DAB1: variants seen among roughly 807,000 people sequenced by gnomAD.
DAB1 encodes the protein disabled homolog 1.
A neutral mutation model predicts 64.6 loss-of-function variants in DAB1; 15 were observed. The ratio of observed to expected loss-of-function variants is 0.23; its 90% CI spans 0.16 to 0.36. DAB1 has a LOEUF of 0.36. Among genes scored for constraint, DAB1 ranks in the 10% least tolerant of loss-of-function variants. The pLI is 1.00. For synonymous variants in DAB1, 235 were observed against 251.9 expected (o/e 0.93, Z 0.64); for missense variants, 596 against 706.7 (o/e 0.84, Z 1.78).
At chr1:57,468,738 AC>A (rs1687040622) in intron 7 of DAB1, among the ~76,000 whole-genome samples, 1 of 152,252 alleles carries the variant, frequency 6.6e-6, no homozygotes, top group Non-Finnish European at 1.5e-5. Flanking sequence ...CCCATTTCAA[AC>A]AAGCCAGAAC....
intron 7 of DAB1, among the ~76,000 whole-genome samples, chr1:57,531,656 T>C (rs1009374718): frequency 6.6e-6 from 1 of 152,140 alleles, no homozygotes; most frequent in Non-Finnish European, 1.5e-5. Context: ...AAATGAAAGT[T>C]AAATAAAGCA....
At chr1:58,298,349 T>C (rs1253859686) in intron 4 of DAB1, among the ~76,000 whole-genome samples, 2 of 152,248 alleles carry the variant, frequency 1.3e-5, no homozygotes, top group African/African-American at 2.4e-5. Flanking sequence ...CTTTCTATTA[T>C]TGTTCCTTTG....
chr1:57,061,698 T>C (rs1650412089), intron 9 of DAB1, among the ~76,000 whole-genome samples: 1 of 152,218 alleles, frequency 6.6e-6, no homozygotes, highest in Non-Finnish European at 1.5e-5. Flanking sequence ...CTATGTATTC[T>C]TTTATCCAGG....
At chr1:57,502,165 C>T (rs1332182348) in intron 7 of DAB1, among the ~76,000 whole-genome samples, 1 of 151,590 alleles carries the variant, frequency 6.6e-6, no homozygotes, top group Non-Finnish European at 1.5e-5. Context: ...CTGAAAAATA[C>T]AAAAAATTAG....
chr1:57,329,832 T>C (rs952489004), intron 1 of DAB1, among the ~76,000 whole-genome samples: 3 of 152,162 alleles, frequency 2.0e-5, no homozygotes, highest in Non-Finnish European at 4.4e-5. Flanking sequence ...TATCAAATAA[T>C]CTGGAAGAGG....
chr1:58,033,297 A>G (rs1388575400), intron 5 of DAB1, among the ~76,000 whole-genome samples: 1 of 152,102 alleles, frequency 6.6e-6, no homozygotes, highest in Non-Finnish European at 1.5e-5. Flanking sequence ...GCCCCTCACT[A>G]CAGGACTCTC....
chr1:57,727,894 T>C (rs1047710250), intron 6 of DAB1, among the ~76,000 whole-genome samples: 6 of 152,068 alleles, frequency 3.9e-5, no homozygotes, highest in Non-Finnish European at 5.9e-5. Flanking sequence ...GAGATGCAGA[T>C]AAATAAGGAC....
chr1:58,535,595 CAAAA>C (rs11315198), intron 1 of DAB1, among the ~76,000 whole-genome samples: 1 of 95,564 alleles, frequency 1.0e-5, no homozygotes. Context: ...GTCTCTGTCT[CAAAA>C]AAAAAAAAAA....
chr1:57,055,801 A>G (rs1166697188), intron 9 of DAB1, among the ~76,000 whole-genome samples: 2 of 151,898 alleles, frequency 1.3e-5, no homozygotes, highest in East Asian at 3.9e-4. Flanking sequence ...TCCTGGGGAG[A>G]GGGTCCACCA....
chr1:57,047,790 T>A (rs1192583926), intron 9 of DAB1, among the ~76,000 whole-genome samples: 6 of 152,184 alleles, frequency 3.9e-5, no homozygotes, highest in African/African-American at 1.4e-4. Context: ...TTACACTTGA[T>A]CTTGTTGACA....
At chr1:57,919,943 G>T (rs2102021180) in intron 5 of DAB1, among the ~76,000 whole-genome samples, 1 of 152,276 alleles carries the variant, frequency 6.6e-6, no homozygotes, top group African/African-American at 2.4e-5. Context: ...CCTAGGGGAG[G>T]TCAGGTGGAC....
intron 1 of DAB1, chr1:58,539,188 C>T (rs746657014): frequency 2.3e-6 from 2 of 872,874 alleles, no homozygotes; most frequent in Non-Finnish European, 2.0e-6. Flanking sequence ...ATGACAGCCC[C>T]GTGAGGTGGA....
At chr1:57,596,050 T>G (rs201651560) in intron 7 of DAB1, among the ~76,000 whole-genome samples, 1 of 152,230 alleles carries the variant, frequency 6.6e-6, no homozygotes, top group East Asian at 1.9e-4. Flanking sequence ...TGTTGTTTTT[T>G]TCTATGCAAG....
chr1:57,308,029 CT>C (rs1323289759), intron 1 of DAB1, among the ~76,000 whole-genome samples: 1 of 152,198 alleles, frequency 6.6e-6, no homozygotes, highest in Non-Finnish European at 1.5e-5. Context: ...CTTTTTCCCT[CT>C]CTGGAGGGAA....
intron 5 of DAB1, among the ~76,000 whole-genome samples, chr1:58,072,092 G>GGT (rs1553157711): frequency 2.5e-5 from 3 of 122,354 alleles, no homozygotes; most frequent in African/African-American, 5.9e-5. Context: ...GGGTGGGGGG[G>GGT]GGTGGGTAGT....
chr1:57,216,149 A>C (rs1666411346), intron 2 of DAB1, among the ~76,000 whole-genome samples: 1 of 152,014 alleles, frequency 6.6e-6, no homozygotes, highest in Non-Finnish European at 1.5e-5. Flanking sequence ...CATGGCCTTT[A>C]AAAATCTAGT....
chr1:57,715,171 CA>C (rs1647070254), intron 6 of DAB1, among the ~76,000 whole-genome samples: 2 of 152,262 alleles, frequency 1.3e-5, no homozygotes, highest in African/African-American at 4.8e-5. Flanking sequence ...GAATCAAGGA[CA>C]AAAACCATAT....
chr1:57,553,379 A>C lies in DAB1; in HGVS notation n.625+96213T>G, dbSNP rs1644937472. On this transcript the variant is annotated intron_variant and non_coding_transcript_variant, in intron 7 of 20. Coordinates refer to the DAB1 transcript ENST00000485760. ...AGAAAGAAAGAGAAGGAAGGAAGGA[A>C]GAAAGAGAAAGAAAGAAAGAAAGAA... 3.2e-4 allele frequency among the ~76,000 whole-genome samples: 2 copies of C among 6,334 alleles called. 1 individual carries two copies. The highest frequency in any genetic ancestry group is 3.5e-4 in the African/African-American group (2 of 5,770). The allele number at this position is 6,334 out of a possible 152,430, so 4.2% of individuals were successfully genotyped here. A position where few individuals can be genotyped will look rare whatever the true frequency, so the allele number is the denominator to read the frequency against.
intron 6 of DAB1, among the ~76,000 whole-genome samples, chr1:57,656,472 T>A (rs1381786229): frequency 6.6e-6 from 1 of 152,254 alleles, no homozygotes; most frequent in African/African-American, 2.4e-5. Context: ...CAACCTAATA[T>A]TTGGTCTTTT....
Sources: gnomAD v4.1 joint callset for allele counts (sites outside exome capture counted in the v4.1 genomes callset) on GRCh38, gnomAD v4.1.1 for gene constraint, MANE v1.5 for transcripts, NCBI Gene and HGNC (gene_info 2026-07-23, HGNC 2026-07-21) for gene names.